The following DPYSL4 variants were observed in gnomAD, a reference collection of about 807,000 sequenced individuals.
The protein encoded by DPYSL4 is dihydropyrimidinase-related protein 4.
Under a neutral mutation model 63.4 loss-of-function variants are expected in DPYSL4, and 43 were observed. The ratio of observed to expected loss-of-function variants is 0.68; its 90% CI spans 0.53 to 0.88. DPYSL4 has a LOEUF of 0.88. Among genes scored for constraint, DPYSL4 ranks in the 40% least tolerant of loss-of-function variants. The pLI is 0.00. For synonymous variants in DPYSL4, 353 were observed against 331.7 expected (o/e 1.06, Z -0.70); for missense variants, 733 against 819.5 (o/e 0.89, Z 1.29).
intron 10 of DPYSL4, among the ~76,000 whole-genome samples, chr10:132,201,489 T>C (rs1422616477): frequency 2.0e-5 from 3 of 152,216 alleles, no homozygotes; most frequent in Non-Finnish European, 4.4e-5. Flanking sequence ...CGCTGAACCT[T>C]CGTGGAAGCT....
chr10:132,203,717 G>T (rs377032470), intron 12 of DPYSL4, 45 bp from the exon 13 acceptor site: 17 of 1,477,446 alleles, frequency 1.2e-5, no homozygotes, highest in East Asian at 7.7e-5. Context: ...CAGCTGCCCA[G>T]GCTCAGCCCC....
chr10:132,200,497 C>A lies in DPYSL4; in HGVS notation c.953C>A (p.Thr318Asn). 1 of 1,613,048 alleles carries A rather than the reference C, an allele frequency of 6.2e-7. No individual in the cohort carries two copies. The highest frequency in any genetic ancestry group is 2.2e-5 in the East Asian group (1 of 44,876). The change falls in exon 9 of 14, where the codon ACC becomes AAC. Residue 318 changes from threonine (T) to asparagine (N), a missense_variant. Transcript: ENST00000338492. ...GACCCCACCACGGCGGACCACCTCACCTGCTTGCTGTCCAGGTAAGCAGCC... is the reference window on the plus strand; with the variant it reads ...GACCCCACCACGGCGGACCACCTCAACTGCTTGCTGTCCAGGTAAGCAGCC... ...NPDPTTADHL[T>N]CLLSSGDLQV...
At position 132,187,020 on chromosome 10, in the gene DPYSL4, C is replaced by T. The variant is rs1375179910; in HGVS notation, c.-44C>T. 6.2e-5 allele frequency: 20 copies of T among 322,616 alleles called. 2 individuals are homozygous for T. Among genetic ancestry groups the T allele is most frequent in the South Asian group, 2.0e-4 (3 of 15,082 alleles). The allele number at this position is 322,616 out of a possible 1,614,324, so 20.0% of individuals were successfully genotyped here. On this transcript the variant is annotated 5_prime_UTR_variant, in exon 1 of 14. Transcript: ENST00000338492. Reference sequence around the variant, plus strand: ...CCCCCCGCCCGCCCGCCCGCCCGCCCGCCCCCGCTTGTGCCGCCCCTACCA... The same window carrying T: ...CCCCCCGCCCGCCCGCCCGCCCGCCTGCCCCCGCTTGTGCCGCCCCTACCA...
chr10:132,203,039 A>G (rs573159734), intron 12 of DPYSL4, among the ~76,000 whole-genome samples: 2 of 152,284 alleles, frequency 1.3e-5, no homozygotes, highest in South Asian at 4.1e-4. Context: ...TGGGACCTTC[A>G]GGCCCTGGAT....
At chr10:132,193,527 C>T (rs565208012) in intron 3 of DPYSL4, among the ~76,000 whole-genome samples, 104 of 152,330 alleles carry the variant, frequency 6.8e-4, no homozygotes, top group Non-Finnish European at 1.2e-3. Context: ...GGAGGCAGGA[C>T]GAGGCCTCAG....
intron 1 of DPYSL4, 54 bp downstream of exon 1, chr10:132,187,156 C>T: frequency 7.2e-7 from 1 of 1,385,882 alleles, no homozygotes; most frequent in East Asian, 2.7e-5. Flanking sequence ...CGGAGTGGGG[C>T]CTGGACGCCG....
At position 132,198,958 on chromosome 10, in the gene DPYSL4, G is replaced by T; in HGVS notation, c.798G>T (p.Gln266His). Residue 266 changes from glutamine to histidine, a missense_variant, in exon 8 of 14, where the codon CAG (glutamine) becomes CAT (histidine). Coordinates refer to ENST00000338492, the MANE Select transcript of DPYSL4 (RefSeq NM_006426.3). Reference protein sequence around the residue: ...MSKGAADAIAQAKRRGVVVFG... With the variant: ...MSKGAADAIAHAKRRGVVVFG... ...AGGGGGCGGCCGACGCCATCGCTCA[G>T]GCCAAGCGCAGAGGTGAGCACCCAG... 3.1e-6 allele frequency: 5 copies of T among 1,611,408 alleles called. No individual in the cohort carries two copies. The highest frequency in any genetic ancestry group is 3.4e-6 in the Non-Finnish European group (4 of 1,179,164).
Position 132,198,401 on chromosome 10 carries a change from G to A in DPYSL4, c.622-14G>A, listed in dbSNP as rs377218096. 109 of 1,602,216 alleles carry A rather than the reference G, an allele frequency of 6.8e-5. No homozygotes were observed. Among genetic ancestry groups the A allele is most frequent in the Non-Finnish European group, 9.1e-5 (107 of 1,175,812 alleles). On this transcript the variant is annotated splice_polypyrimidine_tract_variant and intron_variant, in intron 6 of 13. Transcript: ENST00000338492. The stretch of plus-strand genomic sequence containing the variant: ...TTCAGGGCTTGGAGCGAGGCATCCT[G>A]TTGGTTTCTTTAGGAGCAGAAGCGG...
At chr10:132,201,289 C>T (rs1024627834) in intron 10 of DPYSL4, among the ~76,000 whole-genome samples, 1 of 152,122 alleles carries the variant, frequency 6.6e-6, no homozygotes, top group African/African-American at 2.4e-5. Context: ...GATGTTAGTG[C>T]TCCCCCGCGA....
chr10:132,193,856 C>T (rs1565039883), intron 3 of DPYSL4, among the ~76,000 whole-genome samples: 1 of 152,260 alleles, frequency 6.6e-6, no homozygotes, highest in African/African-American at 2.4e-5. Flanking sequence ...GACATTTAGC[C>T]ATTACCAAAT....
intron 3 of DPYSL4, among the ~76,000 whole-genome samples, chr10:132,194,464 G>A (rs1430251230): frequency 6.6e-6 from 1 of 152,174 alleles, no homozygotes; most frequent in Non-Finnish European, 1.5e-5. Flanking sequence ...CTTGGACAGC[G>A]CACTGGCCCA....
chr10:132,204,001 C>T, intron 13 of DPYSL4, 74 bp downstream of exon 13: 3 of 1,527,372 alleles, frequency 2.0e-6, no homozygotes, highest in Non-Finnish European at 2.7e-6. Flanking sequence ...TACCAGGGCC[C>T]AGCCTGTGCC....
intron 6 of DPYSL4, 126 bp downstream of exon 6, chr10:132,197,227 C>T (rs2061957798): frequency 2.3e-6 from 2 of 858,852 alleles, no homozygotes; most frequent in African/African-American, 1.7e-5. Context: ...CAGAATCCCA[C>T]AAAACCTTGA....
chr10:132,189,547 C>T (rs747323479), intron 1 of DPYSL4, among the ~76,000 whole-genome samples: 8 of 152,172 alleles, frequency 5.3e-5, no homozygotes, highest in East Asian at 3.9e-4. Context: ...ACCAGCCTGA[C>T]GCTCTGTGTC....
chr10:132,201,010 C>T, intron 10 of DPYSL4, 27 bp downstream of exon 10: 1 of 1,609,340 alleles, frequency 6.2e-7, no homozygotes, highest in Non-Finnish European at 8.5e-7. Context: ...CCGGGGCACG[C>T]CGTCTGGGGA....
At position 132,203,845 on chromosome 10, in the gene DPYSL4, C is replaced by G. The variant is rs769192427; in HGVS notation, c.1545C>G (p.Gly515=). 1 of 1,612,988 alleles carries G rather than the reference C, an allele frequency of 6.2e-7. No individual in the cohort carries two copies. The highest frequency in any genetic ancestry group is 8.5e-7 in the Non-Finnish European group (1 of 1,179,806). ...EVMVPAKPGS[G]APARASCPGK... Reference sequence around the variant, plus strand: ...TGGTGCCTGCCAAGCCAGGGAGTGGCGCTCCGGCCCGCGCGTCCTGCCCAG... The same window carrying G: ...TGGTGCCTGCCAAGCCAGGGAGTGGGGCTCCGGCCCGCGCGTCCTGCCCAG... The change falls in exon 13 of 14, where the codon GGC becomes GGG. Residue 515 remains glycine (G), a synonymous_variant. Transcript: ENST00000338492.
rs1368381538 is a variant in DPYSL4, at chr10:132,203,928, G to C, written c.1627+1G>C. 6.3e-7 allele frequency: 1 copy of C among 1,596,330 alleles called. No individual in the cohort carries two copies. The highest frequency in any genetic ancestry group is 8.6e-7 in the Non-Finnish European group (1 of 1,166,862). Reference sequence around the variant, plus strand: ...CATCAGTCGGGGTTCAGCCTATCTGGTGAGTTGGGCCTGGGGCACCAGTGG... The same window carrying C: ...CATCAGTCGGGGTTCAGCCTATCTGCTGAGTTGGGCCTGGGGCACCAGTGG... On this transcript the variant is annotated splice_donor_variant, in intron 13 of 13. Transcript: ENST00000338492. LOFTEE classifies it high-confidence loss of function.
Position 132,202,720 on chromosome 10 carries a change from G to T in DPYSL4, c.1356G>T (p.Val452=). The T allele has an allele frequency of 6.2e-7, 1 of 1,613,492 alleles. No homozygotes were observed. The highest frequency in any genetic ancestry group is 1.1e-5 in the South Asian group (1 of 91,086). ...CCGTGGTCATAAGTCAGGGCCGAGT[G>T]GCGCTGGAGGACGGGAAGATGTTTG... ...APAVVISQGR[V]ALEDGKMFVT... Residue 452 remains valine (V), a synonymous_variant, in exon 12 of 14, where the codon GTG becomes GTT. Transcript: ENST00000338492.
In DPYSL4 at chr10:132,192,729, C is replaced by T; in HGVS notation, c.200C>T (p.Pro67Leu). The change falls in exon 3 of 14, where the codon CCT becomes CTT. Residue 67 changes from proline (P) to leucine (L), a missense_variant. Physicochemically the swap from Pro to Leu is moderately conservative, Grantham distance 98 (BLOSUM62 -3). Transcript: ENST00000338492. ...GACGCCCACGGCCTGATGGTCCTTC[C>T]TGGTGGCGTTGACGTCCACACAAGG... Reference protein sequence around the residue: ...TIDAHGLMVLPGGVDVHTRLQ... With the variant: ...TIDAHGLMVLLGGVDVHTRLQ... 1 of 1,613,468 alleles carries T rather than the reference C, an allele frequency of 6.2e-7. No individual in the cohort carries two copies. The highest frequency in any genetic ancestry group is 8.5e-7 in the Non-Finnish European group (1 of 1,179,958).
Sources: gnomAD v4.1 joint callset for allele counts (sites outside exome capture counted in the v4.1 genomes callset) on GRCh38, gnomAD v4.1.1 for gene constraint, MANE v1.5 for transcripts, NCBI Gene and HGNC (gene_info 2026-07-23, HGNC 2026-07-21) for gene names.